The following INPP5D variants were observed in gnomAD, a reference collection of about 807,000 sequenced individuals.
The protein encoded by INPP5D is inositol polyphosphate-5-phosphatase D.
INPP5D carries 33 observed loss-of-function variants against 122.9 expected under a neutral mutation model. The observed-to-expected ratio is 0.27, with a 90% CI of 0.20 to 0.36. The LOEUF is 0.36. INPP5D is among the 10% of genes least tolerant of loss of function. The probability of loss-of-function intolerance (pLI) is 1.00; values close to 1 mark genes in which losing one functional copy is unlikely to be tolerated. For missense variants in INPP5D, 1,053 were observed against 1,412.7 expected, an observed-to-expected ratio of 0.75 and a Z score of 4.08; for synonymous variants, 584 against 576.2, an observed-to-expected ratio of 1.01 and a Z score of -0.19.
intron 1 of INPP5D, among the ~76,000 whole-genome samples, chr2:233,074,252 G>A (rs1169208306): frequency 6.6e-6 from 1 of 152,192 alleles, no homozygotes; most frequent in Non-Finnish European, 1.5e-5. Flanking sequence ...GACACACAGA[G>A]GATGGGCTCC....
chr2:233,171,636 G>C (rs1694496195), intron 17 of INPP5D, among the ~76,000 whole-genome samples: 2 of 152,194 alleles, frequency 1.3e-5, no homozygotes. Context: ...GTTTTCCAAG[G>C]AACAGTGTTT....
intron 20 of INPP5D, 78 bp from the exon 21 acceptor site, chr2:233,185,765 G>T: frequency 7.3e-7 from 1 of 1,377,924 alleles, no homozygotes; most frequent in Non-Finnish European, 9.5e-7. Flanking sequence ...CTAGGTCTGG[G>T]TGGGGTGACC....
At chr2:233,106,420 T>C (rs2106238896) in intron 2 of INPP5D, among the ~76,000 whole-genome samples, 1 of 152,366 alleles carries the variant, frequency 6.6e-6, no homozygotes, top group East Asian at 1.9e-4. Flanking sequence ...AGAAACTCAA[T>C]GTGCCCTTAA....
At chr2:233,083,182 A>T (rs552006047) in intron 2 of INPP5D, among the ~76,000 whole-genome samples, 11 of 152,180 alleles carry the variant, frequency 7.2e-5, no homozygotes, top group Non-Finnish European at 1.3e-4. Flanking sequence ...GAAAGTAGAG[A>T]TCACACACAT....
At chr2:233,175,479 A>G (rs1469183281) in intron 17 of INPP5D, among the ~76,000 whole-genome samples, 1 of 152,136 alleles carries the variant, frequency 6.6e-6, no homozygotes, top group Non-Finnish European at 1.5e-5. Context: ...AGGCTCTGGT[A>G]TTGACAAGGA....
chr2:233,157,619 G>A (rs572903353), intron 9 of INPP5D, among the ~76,000 whole-genome samples: 64 of 151,494 alleles, frequency 4.2e-4, no homozygotes, highest in African/African-American at 1.5e-3. Flanking sequence ...ATTATGCATT[G>A]GCAGGGAGTC....
In INPP5D at chr2:233,078,153, C is replaced by G. The variant is rs888837555; in HGVS notation, c.135-1182C>G. ...TTTCCCTCGATCTCCTGACAGCCTT[C>G]TGGCCTCAGCAGCCGATGGATTCCA... On this transcript the variant is annotated intron_variant, in intron 1 of 26. Transcript: ENST00000445964. This position sits in a 1 kb window ranked among gnomAD's most constrained non-coding sequence, Gnocchi z 4.6. Among the ~76,000 whole-genome samples, 1 of 152,232 alleles carries G rather than the reference C, an allele frequency of 6.6e-6. No individual in the cohort carries two copies. The highest frequency in any genetic ancestry group is 2.4e-5 in the African/African-American group (1 of 41,470).
At chr2:233,156,250 C>T (rs1418107508) in intron 9 of INPP5D, among the ~76,000 whole-genome samples, 2 of 152,206 alleles carry the variant, frequency 1.3e-5, no homozygotes, top group Admixed American at 1.3e-4. Flanking sequence ...GGGCAGGGGC[C>T]AGGTGTGTGG....
At chr2:233,182,586 G>A in intron 19 of INPP5D, 87 bp downstream of exon 19, 2 of 1,568,428 alleles carry the variant, frequency 1.3e-6, no homozygotes, top group Non-Finnish European at 8.7e-7. Context: ...TCAGTGGTCT[G>A]CATTAGAGGA....
At position 233,171,119 on chromosome 2, in the gene INPP5D, C is replaced by T; in HGVS notation, c.1956C>T (p.Asp652=). ...PTYRFERLTR[D]KYAYTKQKAT... ...ACCGTTTTGAGAGACTGACTCGGGA[C>T]AAATACGCCTACACCAAGCAGAAAG... The change falls in exon 17 of 27, where the codon GAC becomes GAT. Residue 652 remains aspartate (D), a synonymous_variant. Coordinates refer to ENST00000445964, the MANE Select transcript of INPP5D (RefSeq NM_001017915.3). The T allele has an allele frequency of 6.4e-7, 1 of 1,561,490 alleles. No homozygotes were observed. Among genetic ancestry groups the T allele is most frequent in the African/African-American group, 1.4e-5 (1 of 72,874 alleles).
intron 25 of INPP5D, among the ~76,000 whole-genome samples, chr2:233,200,229 C>T (rs931366550): frequency 1.3e-5 from 2 of 152,252 alleles, no homozygotes; most frequent in African/African-American, 4.8e-5. Context: ...GGCACAGACG[C>T]TCTCTGGTGC....
chr2:233,155,271 G>T (rs1019549057), intron 9 of INPP5D, among the ~76,000 whole-genome samples: 9 of 152,092 alleles, frequency 5.9e-5, no homozygotes, highest in Non-Finnish European at 1.2e-4. Flanking sequence ...CTCCGAAAAG[G>T]CAAAACAAAA....
rs1467262448 is a variant in INPP5D at position 233,082,835 on chromosome 2, A to T, written c.198+3437A>T. Among the ~76,000 whole-genome samples the T allele has an allele frequency of 6.6e-6, 1 of 152,172 alleles. No homozygotes were observed. Among genetic ancestry groups the T allele is most frequent in the Non-Finnish European group, 1.5e-5 (1 of 68,018 alleles). ...GTTGCTGAGAACTGCGGAAGTTGGA[A>T]CTCACAGCCAGGCCTCCCGGCCTCC... On this transcript the variant is annotated intron_variant, in intron 2 of 26. Coordinates refer to ENST00000445964, the MANE Select transcript of INPP5D (RefSeq NM_001017915.3). This position sits in a 1 kb window ranked among gnomAD's most constrained non-coding sequence, Gnocchi z 4.7.
intron 9 of INPP5D, among the ~76,000 whole-genome samples, chr2:233,156,935 G>T (rs1387307586): frequency 6.6e-6 from 1 of 152,208 alleles, no homozygotes; most frequent in Non-Finnish European, 1.5e-5. Flanking sequence ...GCCCTTCTAA[G>T]GACAGCAGTC....
chr2:233,156,617 G>A (rs1574771698), intron 9 of INPP5D, among the ~76,000 whole-genome samples: 2 of 152,182 alleles, frequency 1.3e-5, no homozygotes, highest in East Asian at 1.9e-4. Context: ...TAAGTACAGC[G>A]AGCCACCATT....
Position 233,198,119 on chromosome 2 carries a change from C to G in INPP5D, c.2718C>G (p.Ser906Arg). The change falls in exon 25 of 27, where the codon AGC (serine) becomes AGG (arginine). Residue 906 changes from serine to arginine, a missense_variant. Physicochemically the swap from Ser to Arg is moderately radical, Grantham distance 110. Around this residue, in one of 6 missense-constraint regions of INPP5D, gnomAD observed 417 missense variants for 425.8 expected, o/e 0.98. Transcript: ENST00000445964. ...TSRAPPCSGS[S>R]ITEIINPNYM... ...GGGCCCCTCCGTGCAGTGGCTCCAGCATCACTGAAATCATCAACCCCAACT... is the reference window on the plus strand; with the variant it reads ...GGGCCCCTCCGTGCAGTGGCTCCAGGATCACTGAAATCATCAACCCCAACT... 6.2e-7 allele frequency: 1 copy of G among 1,610,224 alleles called. No individual in the cohort carries two copies. Among genetic ancestry groups the G allele is most frequent in the Non-Finnish European group, 8.5e-7 (1 of 1,177,950 alleles).
intron 14 of INPP5D, chr2:233,169,689 C>T (rs1694439818): frequency 3.5e-6 from 2 of 571,586 alleles, no homozygotes; most frequent in African/African-American, 1.9e-5. Context: ...CCTCTGGGGC[C>T]TCCTTACAAA....
At chr2:233,155,421 A>C (rs1449826056) in intron 9 of INPP5D, among the ~76,000 whole-genome samples, 1 of 152,016 alleles carries the variant, frequency 6.6e-6, no homozygotes, top group Non-Finnish European at 1.5e-5. Flanking sequence ...TCAGGAGTTC[A>C]AGACCAGCCT....
Position 233,164,455 on chromosome 2 carries a change from C to T in INPP5D, c.1555+31C>T. On this transcript the variant is annotated intron_variant, in intron 13 of 26. Coordinates refer to ENST00000445964, the MANE Select transcript of INPP5D (RefSeq NM_001017915.3). This position sits in a 1 kb window ranked among gnomAD's most constrained non-coding sequence, Gnocchi z 4.3. ...CAGGGCGGGGACCCTGTGTTCCTCC[C>T]ACACCCTCTGCCTCAACTCTCGCGA... 6.6e-7 allele frequency: 1 copy of T among 1,521,878 alleles called. No homozygotes were observed. Among genetic ancestry groups the T allele is most frequent in the South Asian group, 1.2e-5 (1 of 81,182 alleles). 94.3% of individuals were successfully genotyped at this position (1,521,878 alleles called of 1,614,324 possible).
Sources: allele counts gnomAD v4.1 joint callset (sites outside exome capture counted in the v4.1 genomes callset), GRCh38; gene constraint gnomAD v4.1.1; regional missense constraint gnomAD v4.1.1; non-coding constraint Gnocchi (gnomAD v3.1); transcripts MANE v1.5; gene names NCBI Gene and HGNC (gene_info 2026-07-23, HGNC 2026-07-21).